TLK1: variants seen among roughly 807,000 people sequenced by gnomAD.
TLK1 encodes the protein serine/threonine-protein kinase tousled-like 1.
TLK1 carries 24 observed loss-of-function variants against 105.3 expected under a neutral mutation model. The observed-to-expected ratio is 0.23, with a 90% CI of 0.17 to 0.32. TLK1 has a LOEUF of 0.32. Ranked by LOEUF, TLK1 falls within the 10% of genes least tolerant of loss-of-function variation. The probability of loss-of-function intolerance (pLI) is 1.00; values close to 1 mark genes in which losing one functional copy is unlikely to be tolerated. For synonymous variants in TLK1, 321 were observed against 310.4 expected, an observed-to-expected ratio of 1.03 and a Z score of -0.36; for missense variants, 558 against 910.5, an observed-to-expected ratio of 0.61 and a Z score of 4.98.
At chr2:171,015,305 T>C (rs1484095066) in intron 12 of TLK1, among the ~76,000 whole-genome samples, 1 of 152,004 alleles carries the variant, frequency 6.6e-6, no homozygotes, top group Non-Finnish European at 1.5e-5. Context: ...TAAGAAGGAA[T>C]AATTTACTAG....
intron 2 of TLK1, among the ~76,000 whole-genome samples, chr2:171,103,784 T>C (rs1297486412): frequency 2.0e-5 from 3 of 152,226 alleles, no homozygotes; most frequent in African/African-American, 7.2e-5. Flanking sequence ...ATTACATTTC[T>C]TTATATTCCT....
chr2:171,147,115 T>C (rs1575628435), intron 1 of TLK1, among the ~76,000 whole-genome samples: 1 of 152,236 alleles, frequency 6.6e-6, no homozygotes. Flanking sequence ...AATTAAATGT[T>C]AGAAATTATC....
At chr2:171,011,830 C>T (rs1684929996) in intron 13 of TLK1, among the ~76,000 whole-genome samples, 1 of 152,064 alleles carries the variant, frequency 6.6e-6, no homozygotes, top group Admixed American at 6.5e-5. Context: ...CAAGCTTTTA[C>T]AGTATTGACA....
chr2:170,999,844 G>T (rs1026126965), intron 18 of TLK1, among the ~76,000 whole-genome samples: 2 of 151,900 alleles, frequency 1.3e-5, no homozygotes, highest in Non-Finnish European at 2.9e-5. Flanking sequence ...CTGCAGCCTC[G>T]ATCTCCAAGC....
chr2:171,021,433 CTTTTTTTTTTTTTTTTTTTTTT>C (rs531522490), intron 12 of TLK1, among the ~76,000 whole-genome samples: 6 of 116,816 alleles, frequency 5.1e-5, no homozygotes, highest in Admixed American at 8.7e-5. Flanking sequence ...CCCGCCCCGA[CTTTTTTTTTTTTTTTTTTTTTT>C]TTTTTTTTTT....
At chr2:171,221,004 G>A (rs757107935) in intron 1 of TLK1, among the ~76,000 whole-genome samples, 2 of 152,074 alleles carry the variant, frequency 1.3e-5, no homozygotes, top group Non-Finnish European at 2.9e-5. Context: ...TGGGCAAGTT[G>A]GTGAGTCCCT....
At chr2:171,185,060 C>T (rs1050816235) in intron 1 of TLK1, among the ~76,000 whole-genome samples, 1 of 152,144 alleles carries the variant, frequency 6.6e-6, no homozygotes, top group Non-Finnish European at 1.5e-5. Context: ...AGGATGGTCT[C>T]GATCTCCTGA....
At chr2:171,154,624 A>G (rs1213445567) in intron 1 of TLK1, 1 of 152,266 alleles carries the variant, frequency 6.6e-6, no homozygotes, top group Non-Finnish European at 1.5e-5. Flanking sequence ...GCTAGTTAAT[A>G]GCAAAGTAAA....
intron 1 of TLK1, among the ~76,000 whole-genome samples, chr2:171,183,538 C>A (rs1692966184): frequency 6.6e-6 from 1 of 151,818 alleles, no homozygotes; most frequent in Admixed American, 6.6e-5. Context: ...TTTTGATACT[C>A]TTTATATACT....
At chr2:170,999,804 G>A (rs1684271135) in intron 18 of TLK1, among the ~76,000 whole-genome samples, 1 of 151,902 alleles carries the variant, frequency 6.6e-6, no homozygotes, top group Admixed American at 6.6e-5. Context: ...GTGTTGCCCA[G>A]GCTGAGTGCA....
chr2:171,110,201 G>A (rs1422372653), intron 2 of TLK1, among the ~76,000 whole-genome samples: 1 of 152,164 alleles, frequency 6.6e-6, no homozygotes, highest in East Asian at 1.9e-4. Context: ...CAGGTGTGGT[G>A]GCTCATGCCT....
At chr2:170,994,355 T>C (rs965990047) in intron 20 of TLK1, among the ~76,000 whole-genome samples, 2 of 152,132 alleles carry the variant, frequency 1.3e-5, no homozygotes, top group African/African-American at 2.4e-5. Flanking sequence ...TTTTTCCTAC[T>C]GACATAAAGA....
rs527381532 is a variant in TLK1, at chr2:170,991,140, A to T, written c.*2640T>A. On this transcript the variant is annotated 3_prime_UTR_variant, in exon 21 of 21. Coordinates refer to ENST00000431350, the MANE Select transcript of TLK1 (RefSeq NM_012290.5). ...ACACTAAAGCAAATTCAAATCAAAGAAAGATTTTAAAATCATATGCAAAAA... is the reference window on the plus strand; with the variant it reads ...ACACTAAAGCAAATTCAAATCAAAGTAAGATTTTAAAATCATATGCAAAAA... The T allele has an allele frequency of 1.3e-5, 2 of 152,322 alleles. No individual in the cohort carries two copies. Among genetic ancestry groups the T allele is most frequent in the East Asian group, 3.9e-4 (2 of 5,190 alleles). 9.4% of individuals were successfully genotyped at this position (152,322 alleles called of 1,614,324 possible). A position where few individuals can be genotyped will look rare whatever the true frequency, so the allele number is the denominator to read the frequency against.
At chr2:171,055,210 AAAAAAAAAAAACACAAAAC>A (rs1224691578) in intron 6 of TLK1, 38 bp from the exon 7 acceptor site, 1 of 1,184,086 alleles carries the variant, frequency 8.4e-7, no homozygotes, top group Non-Finnish European at 1.1e-6. Flanking sequence ...TAGCAAAAAA[AAAAAAAAAAAACACAAAAC>A]AAAACAGATT....
At chr2:171,089,043 G>A (rs1005881907) in intron 2 of TLK1, among the ~76,000 whole-genome samples, 5 of 152,100 alleles carry the variant, frequency 3.3e-5, no homozygotes, top group African/African-American at 9.7e-5. Flanking sequence ...CACCATGCCC[G>A]GCTACTTTTT....
At chr2:171,044,877 A>G (rs1686870637) in intron 11 of TLK1, among the ~76,000 whole-genome samples, 5 of 152,220 alleles carry the variant, frequency 3.3e-5, no homozygotes, top group Admixed American at 3.3e-4. Flanking sequence ...ATGTTACAGC[A>G]TTTAGCATCA....
intron 18 of TLK1, among the ~76,000 whole-genome samples, chr2:171,005,492 TC>T (rs1684609137): frequency 6.6e-6 from 1 of 152,202 alleles, no homozygotes; most frequent in Admixed American, 6.5e-5. Flanking sequence ...ACGCCTGTAA[TC>T]CAAGCACTTT....
chr2:171,050,711 G>T (rs1377079198), intron 8 of TLK1, among the ~76,000 whole-genome samples: 1 of 152,126 alleles, frequency 6.6e-6, no homozygotes, highest in Non-Finnish European at 1.5e-5. Context: ...TTAGCAATAG[G>T]ATACTAATTC....
At chr2:171,137,659 G>C (rs977226347) in intron 1 of TLK1, among the ~76,000 whole-genome samples, 9 of 151,936 alleles carry the variant, frequency 5.9e-5, no homozygotes, top group Admixed American at 4.6e-4. Context: ...GACCAACCTG[G>C]GCAACATGGT....
Sources: allele counts gnomAD v4.1 joint callset (sites outside exome capture counted in the v4.1 genomes callset), GRCh38; gene constraint gnomAD v4.1.1; transcripts MANE v1.5; gene names NCBI Gene and HGNC (gene_info 2026-07-23, HGNC 2026-07-21).